The following TNK2 variants were observed in gnomAD, a reference collection of about 807,000 sequenced individuals.
TNK2 encodes the protein tyrosine kinase non receptor 2, also known as activated CDC42 kinase 1.
Under a neutral mutation model 101.8 loss-of-function variants are expected in TNK2, and 83 were observed. That is an observed-to-expected ratio of 0.82 (90% confidence interval 0.68 to 0.98). The LOEUF is 0.98. Ranked by LOEUF, TNK2 falls within the 50% of genes least tolerant of loss-of-function variation. The pLI, the probability that TNK2 is intolerant of heterozygous loss-of-function variation, is 0.00. For missense variants in TNK2, 1,665 were observed against 1,483.2 expected (o/e 1.12, Z -2.01); for synonymous variants, 804 against 633.0 (o/e 1.27, Z -4.06).
intron 1 of TNK2, chr3:195,896,751 G>C (rs1222827944): frequency 6.6e-6 from 1 of 152,562 alleles, no homozygotes; most frequent in African/African-American, 2.4e-5. Context: ...ACCTCTAGGA[G>C]TTCGAGAATC....
Position 195,868,132 on chromosome 3 carries a change from G to A in TNK2, c.2166C>T (p.Phe722=), listed in dbSNP as rs776221781. 6 of 1,611,716 alleles carry A rather than the reference G, an allele frequency of 3.7e-6. No individual in the cohort carries two copies. The South Asian group carries it at 4.4e-5, about 12-fold the overall frequency. ...PPSSAQTAEI[F]QALQQECMRQ... ...TCATGCACTCCTGCTGTAGCGCCTG[G>A]AAGATCTCTGCGGTCTGTGCGGAGC... The change falls in exon 13 of 16, where the codon TTC becomes TTT. Residue 722 remains phenylalanine, a synonymous_variant. Coordinates refer to ENST00000672887, the MANE Select transcript of TNK2 (RefSeq NM_001382273.1).
rs754348447 is a variant in TNK2 at position 195,868,711 on chromosome 3, T to C, written c.1589-2A>G. On this transcript the variant is annotated splice_acceptor_variant, in intron 12 of 15. Transcript: ENST00000672887. LOFTEE classifies it high-confidence loss of function. ...CGCTCACAGGGTCATAGGTTGGTTC[T>C]GTGATGGAAAGGGAGAGCCCAACAG... 2 of 1,553,162 alleles carry C rather than the reference T, an allele frequency of 1.3e-6. No individual in the cohort carries two copies. The highest frequency in any genetic ancestry group is 1.4e-5 in the African/African-American group (1 of 70,880).
intron 1 of TNK2, among the ~76,000 whole-genome samples, chr3:195,900,201 G>C (rs899878655): frequency 2.6e-5 from 4 of 152,076 alleles, no homozygotes; most frequent in African/African-American, 9.7e-5. Flanking sequence ...CTGCCACACA[G>C]GGTGATGGGA....
chr3:195,875,847 A>C (rs1748875866), intron 9 of TNK2, among the ~76,000 whole-genome samples: 1 of 152,194 alleles, frequency 6.6e-6, no homozygotes, highest in Non-Finnish European at 1.5e-5. Context: ...TGGGGTAGAC[A>C]AGATGGAAAA....
intron 1 of TNK2, among the ~76,000 whole-genome samples, chr3:195,906,791 A>T (rs1761767938): frequency 6.6e-6 from 1 of 152,226 alleles, no homozygotes; most frequent in African/African-American, 2.4e-5. Flanking sequence ...AAACAAAAAG[A>T]AACACTGCAT....
In TNK2 at chr3:195,872,451, G is replaced by A; in HGVS notation, c.1276C>T (p.Arg426Cys). ...IEGRAENYWWRGQNTRTLCVG... is the reference protein window; with the variant it reads ...IEGRAENYWWCGQNTRTLCVG... ...CACAGCGTCCGTGTGTTCTGGCCAC[G>A]CCACCAGTAGTTCTCGGCCCTGCGC... The change falls in exon 10 of 16, where the codon CGT becomes TGT. Residue 426 changes from arginine (R) to cysteine (C), a missense_variant. This residue lies in a region of TNK2 where 39 missense variants were observed against 65.8 expected (regional missense o/e 0.59). Coordinates refer to ENST00000672887, the MANE Select transcript of TNK2 (RefSeq NM_001382273.1). The A allele has an allele frequency of 3.7e-6, 6 of 1,601,546 alleles. No individual in the cohort carries two copies. The highest frequency in any genetic ancestry group is 4.3e-6 in the Non-Finnish European group (5 of 1,172,712).
At position 195,883,137 on chromosome 3, in the gene TNK2, C is replaced by T. The variant is rs780201475; in HGVS notation, c.609+20G>A. On this transcript the variant is annotated intron_variant, in intron 5 of 15. Transcript: ENST00000672887. ...CCGGAGCCCTCTCCCTGCCCGCCCC[C>T]TCCCGCCCGCAGTACTCACCATCTT... The T allele has an allele frequency of 1.1e-5, 18 of 1,597,524 alleles. No individual in the cohort carries two copies. The highest frequency in any genetic ancestry group is 1.5e-5 in the Non-Finnish European group (18 of 1,177,486).
In TNK2 at chr3:195,867,228, A is replaced by G. The variant is rs1458834659; in HGVS notation, c.2974T>C (p.Cys992Arg). 4 of 1,612,582 alleles carry G rather than the reference A, an allele frequency of 2.5e-6. No homozygotes were observed. The highest frequency in any genetic ancestry group is 3.4e-6 in the Non-Finnish European group (4 of 1,179,858). ...CCGTGGCACTGCAGGGCCGCCTGGC[A>G]CTCCTCTGTGGTCACCCCATGCACC... ...AMVHGVTTEE[C>R]QAALQCHGWS... The change falls in exon 14 of 16, where the codon TGC (cysteine) becomes CGC (arginine). Residue 992 changes from cysteine (C) to arginine (R), a missense_variant. Cys to Arg is a radical substitution (Grantham distance 180). This residue lies in a region of TNK2 where 1,136 missense variants were observed against 894.9 expected (regional missense o/e 1.27). Transcript: ENST00000672887.
chr3:195,867,336 G>C, intron 13 of TNK2, 25 bp downstream of exon 13: 1 of 1,608,152 alleles, frequency 6.2e-7, no homozygotes, highest in African/African-American at 1.3e-5. Flanking sequence ...GCCCCGCTTC[G>C]CCCACAGCCA....
At position 195,895,983 on chromosome 3, in the gene TNK2, C is replaced by T. The variant is rs1309088204; in HGVS notation, c.-18-7377G>A. 6 of 329,986 alleles carry T rather than the reference C, an allele frequency of 1.8e-5. 1 individual carries two copies. The highest frequency in any genetic ancestry group is 1.3e-4 in the South Asian group (6 of 46,190). 20.4% of individuals were successfully genotyped at this position (329,986 alleles called of 1,614,324 possible). On this transcript the variant is annotated intron_variant, in intron 1 of 15. Transcript: ENST00000672887. Reference sequence around the variant, plus strand: ...CGCAGGCCACGCCCCCGCCCCGAGGCCCCCGCGGCCGGTTCCCCGCGCGCC... The same window carrying T: ...CGCAGGCCACGCCCCCGCCCCGAGGTCCCCGCGGCCGGTTCCCCGCGCGCC...
rs867922117 is a variant in TNK2, at chr3:195,885,554, G to C, written c.235-521C>G. 1 of 1,291,044 alleles carries C rather than the reference G, an allele frequency of 7.7e-7. No homozygotes were observed. The highest frequency in any genetic ancestry group is 5.5e-5 in the East Asian group (1 of 18,050). The allele number at this position is 1,291,044 out of a possible 1,614,324, so 80.0% of individuals were successfully genotyped here. On this transcript the variant is annotated intron_variant, in intron 3 of 15. Coordinates refer to ENST00000672887, the MANE Select transcript of TNK2 (RefSeq NM_001382273.1). The surrounding 1 kb of genome is among the most constrained non-coding windows in gnomAD (Gnocchi z 4.7). ...CGGCTGCCCTTCATCCTGCCCAGGG[G>C]AGAGGATAATTTTAGTCTGAGGTTG... is the stretch of plus-strand genomic sequence containing the variant.
At position 195,878,598 on chromosome 3, in the gene TNK2, G is replaced by A. The variant is rs989436325; in HGVS notation, c.1015-6C>T. On this transcript the variant is annotated splice_polypyrimidine_tract_variant and splice_region_variant and intron_variant, in intron 7 of 15. Transcript: ENST00000672887. The surrounding 1 kb of genome is among the most constrained non-coding windows in gnomAD (Gnocchi z 4.7). ...TTGTCGATCTTATGCAGGATCTGAA[G>A]GTGAGGAGGTGCAGAGTTTGACGAC... is the stretch of plus-strand genomic sequence containing the variant. 6.2e-7 allele frequency: 1 copy of A among 1,610,860 alleles called. No homozygotes were observed. Among genetic ancestry groups the A allele is most frequent in the Non-Finnish European group, 8.5e-7 (1 of 1,178,652 alleles).
intron 1 of TNK2, among the ~76,000 whole-genome samples, chr3:195,905,690 G>A (rs1761646717): frequency 6.6e-6 from 1 of 152,062 alleles, no homozygotes; most frequent in Non-Finnish European, 1.5e-5. Flanking sequence ...ACTATAAAAT[G>A]TCTACAAGAA....
intron 2 of TNK2, 84 bp from the exon 3 acceptor site, chr3:195,887,131 G>T: frequency 1.4e-6 from 2 of 1,402,728 alleles, no homozygotes; most frequent in Non-Finnish European, 1.0e-6. Flanking sequence ...TTGGGGGTGA[G>T]CCTGTCACTA....
chr3:195,872,398 C>T lies in TNK2; in HGVS notation c.1329G>A (p.Val443=), dbSNP rs1746060807. The T allele has an allele frequency of 1.2e-6, 2 of 1,613,262 alleles. No homozygotes were observed. Among genetic ancestry groups the T allele is most frequent in the South Asian group, 2.2e-5 (2 of 91,048 alleles). The change falls in exon 10 of 16, where the codon GTG becomes GTA. Residue 443 remains valine (V), a synonymous_variant. Transcript: ENST00000672887. The part of the protein sequence containing the change: ...LCVGPFPRNV[V]TSVAGLSAQD... ...GGGCCGACAGGCCGGCCACGGAGGT[C>T]ACCACGTTGCGAGGGAAGGGCCCCA... is the stretch of plus-strand genomic sequence containing the variant.
chr3:195,895,946 G>C (rs1404613549), intron 1 of TNK2: 1 of 164,306 alleles, frequency 6.1e-6, no homozygotes, highest in Non-Finnish European at 1.3e-5. Context: ...GCCTCCCAGC[G>C]CCCGCCTCCC....
intron 15 of TNK2, among the ~76,000 whole-genome samples, chr3:195,865,896 T>C (rs1400552581): frequency 6.6e-6 from 1 of 152,140 alleles, no homozygotes. Flanking sequence ...TGAGCACTAT[T>C]ATCTACACGC....
intron 9 of TNK2, 170 bp from the exon 10 acceptor site, chr3:195,872,640 C>T: frequency 3.0e-6 from 2 of 666,366 alleles, no homozygotes; most frequent in Non-Finnish European, 5.0e-6. Flanking sequence ...ACCCACCATG[C>T]CCCGTACAGG....
intron 6 of TNK2, among the ~76,000 whole-genome samples, chr3:195,880,966 C>T (rs1358608704): frequency 1.2e-4 from 1 of 8,224 alleles, no homozygotes. Context: ...GCGTCTATCC[C>T]TGTAACACCC....
Sources: gnomAD v4.1 joint callset for allele counts (sites outside exome capture counted in the v4.1 genomes callset) on GRCh38, gnomAD v4.1.1 for gene constraint, gnomAD v4.1.1 regional missense constraint, Gnocchi (gnomAD v3.1) non-coding constraint, MANE v1.5 for transcripts, NCBI Gene and HGNC (gene_info 2026-07-23, HGNC 2026-07-21) for gene names.